SYT1: variants seen among roughly 807,000 people sequenced by gnomAD.
The protein encoded by SYT1 is synaptotagmin 1, also known as synaptotagmin-1.
A neutral mutation model predicts 44.8 loss-of-function variants in SYT1; 8 were observed. That is an observed-to-expected ratio of 0.18 (90% CI 0.10 to 0.32). The LOEUF is 0.32. Among genes scored for constraint, SYT1 ranks in the 10% least tolerant of loss-of-function variants. SYT1 has a pLI of 1.00. For synonymous variants in SYT1, 154 were observed against 188.8 expected, an observed-to-expected ratio of 0.82 and a Z score of 1.51; for missense variants, 286 against 509.3, an observed-to-expected ratio of 0.56 and a Z score of 4.22.
At chr12:78,876,913 T>A (rs1355442456) in intron 1 of SYT1, among the ~76,000 whole-genome samples, 9 of 119,214 alleles carry the variant, frequency 7.5e-5, no homozygotes, top group East Asian at 6.6e-4. Flanking sequence ...ATTATATGTA[T>A]TATATATAAT....
intron 4 of SYT1, among the ~76,000 whole-genome samples, chr12:79,259,173 T>C (rs1414097370): frequency 1.3e-5 from 2 of 152,226 alleles, no homozygotes; most frequent in Non-Finnish European, 2.9e-5. Flanking sequence ...TCCTCTCCCT[T>C]GTACTCACCA....
At chr12:79,019,053 G>T (rs1872003044) in intron 2 of SYT1, among the ~76,000 whole-genome samples, 1 of 151,840 alleles carries the variant, frequency 6.6e-6, no homozygotes. Context: ...TAAATTAAGG[G>T]TTGCCAAACC....
intron 9 of SYT1, among the ~76,000 whole-genome samples, chr12:79,396,769 A>T (rs554426575): frequency 6.6e-6 from 1 of 152,362 alleles, no homozygotes; most frequent in African/African-American, 2.4e-5. Context: ...GGTGCCAGGC[A>T]TTATAATGTT....
chr12:79,401,604 T>C (rs1477292471), intron 9 of SYT1, among the ~76,000 whole-genome samples: 1 of 151,570 alleles, frequency 6.6e-6, no homozygotes, highest in Non-Finnish European at 1.5e-5. Flanking sequence ...TTCATTTTGA[T>C]AAAGGAGATT....
chr12:79,312,323 C>A (rs1044344043), intron 8 of SYT1, among the ~76,000 whole-genome samples: 11 of 152,088 alleles, frequency 7.2e-5, no homozygotes, highest in African/African-American at 2.7e-4. Context: ...GGTTCTGAAC[C>A]TTAATGCCAT....
chr12:79,184,019 A>G (rs1467189968), intron 3 of SYT1, among the ~76,000 whole-genome samples: 1 of 152,076 alleles, frequency 6.6e-6, no homozygotes, highest in African/African-American at 2.4e-5. Flanking sequence ...CAGAAACAAC[A>G]AACTTCCCAG....
intron 9 of SYT1, among the ~76,000 whole-genome samples, chr12:79,372,960 C>T (rs1168231702): frequency 6.6e-6 from 1 of 152,082 alleles, no homozygotes; most frequent in Non-Finnish European, 1.5e-5. Context: ...AAAAAGGAGA[C>T]CAACAATAAG....
At chr12:79,239,911 G>A (rs1876402046) in intron 4 of SYT1, among the ~76,000 whole-genome samples, 2 of 152,168 alleles carry the variant, frequency 1.3e-5, no homozygotes, top group Non-Finnish European at 1.5e-5. Context: ...CAAGGCCAGT[G>A]GAACATCTCT....
chr12:78,910,642 A>G (rs1318161994), intron 1 of SYT1, among the ~76,000 whole-genome samples: 1 of 152,026 alleles, frequency 6.6e-6, no homozygotes, highest in East Asian at 1.9e-4. Flanking sequence ...GCCTTCATGA[A>G]AATTGCAGTC....
chr12:78,949,200 A>G (rs911492359), intron 1 of SYT1, among the ~76,000 whole-genome samples: 4 of 151,644 alleles, frequency 2.6e-5, no homozygotes, highest in African/African-American at 9.7e-5. Context: ...GGCAAAAAAT[A>G]CTAGAAAAAG....
intron 8 of SYT1, among the ~76,000 whole-genome samples, chr12:79,306,920 G>A (rs758855450): frequency 6.6e-6 from 1 of 152,178 alleles, no homozygotes; most frequent in Non-Finnish European, 1.5e-5. Flanking sequence ...TAATGAAAAG[G>A]GTTTTGAGTG....
At chr12:79,029,782 A>G (rs1872730733) in intron 2 of SYT1, among the ~76,000 whole-genome samples, 1 of 151,184 alleles carries the variant, frequency 6.6e-6, no homozygotes, top group African/African-American at 2.4e-5. Context: ...AATCAACTGT[A>G]TTATAAAGAT....
intron 9 of SYT1, among the ~76,000 whole-genome samples, chr12:79,363,348 A>G (rs1883394572): frequency 1.3e-5 from 2 of 152,096 alleles, no homozygotes; most frequent in Admixed American, 1.3e-4. Flanking sequence ...AGCCTATAAT[A>G]GGTGACAAAA....
At chr12:78,942,592 C>A (rs1372316018) in intron 1 of SYT1, among the ~76,000 whole-genome samples, 1 of 152,184 alleles carries the variant, frequency 6.6e-6, no homozygotes, top group Non-Finnish European at 1.5e-5. Flanking sequence ...AAAGCATTTA[C>A]TTTCTTGCTC....
At chr12:79,354,318 T>C (rs1883027219) in intron 9 of SYT1, among the ~76,000 whole-genome samples, 1 of 152,226 alleles carries the variant, frequency 6.6e-6, no homozygotes, top group Non-Finnish European at 1.5e-5. Context: ...ATATTTTTAA[T>C]TTTCCGCTAA....
chr12:79,116,941 C>A (rs1170827873), intron 3 of SYT1, among the ~76,000 whole-genome samples: 1 of 152,162 alleles, frequency 6.6e-6, no homozygotes, highest in Non-Finnish European at 1.5e-5. Flanking sequence ...CTGAAATCCA[C>A]GAGCAGCTCT....
chr12:78,869,042 A>G (rs1873687067), intron 1 of SYT1: 1 of 151,812 alleles, frequency 6.6e-6, no homozygotes, highest in Admixed American at 6.6e-5. Context: ...TTAATTTTTT[A>G]TGTAATTGAA....
intron 3 of SYT1, among the ~76,000 whole-genome samples, chr12:79,196,875 T>G (rs1431884934): frequency 6.6e-6 from 1 of 152,250 alleles, no homozygotes; most frequent in East Asian, 1.9e-4. Context: ...GAAAGCTAAG[T>G]AAATACATTT....
intron 9 of SYT1, among the ~76,000 whole-genome samples, chr12:79,443,070 G>A (rs1870517807): frequency 6.6e-6 from 1 of 152,144 alleles, no homozygotes; most frequent in African/African-American, 2.4e-5. Flanking sequence ...AATGGGAGCT[G>A]TAAATGGGAA....
Sources: gnomAD v4.1 joint callset for allele counts (sites outside exome capture counted in the v4.1 genomes callset) on GRCh38, gnomAD v4.1.1 for gene constraint, MANE v1.5 for transcripts, NCBI Gene and HGNC (gene_info 2026-07-23, HGNC 2026-07-21) for gene names.